ASCC3: variants seen among roughly 807,000 people sequenced by gnomAD.
The protein encoded by ASCC3 is ASC-1 complex subunit P200.
Under a neutral mutation model 256.3 loss-of-function variants are expected in ASCC3, and 158 were observed. That is an observed-to-expected ratio of 0.62 (90% CI 0.54 to 0.70). ASCC3 has a LOEUF of 0.70. Ranked by LOEUF, ASCC3 falls within the 30% of genes least tolerant of loss-of-function variation. The probability of loss-of-function intolerance (pLI) is 0.00; values close to 1 mark genes in which losing one functional copy is unlikely to be tolerated. For missense variants in ASCC3, 2,259 were observed against 2,626.0 expected, an observed-to-expected ratio of 0.86 and a Z score of 3.05; for synonymous variants, 948 against 883.4, an observed-to-expected ratio of 1.07 and a Z score of -1.30.
intron 30 of ASCC3, among the ~76,000 whole-genome samples, chr6:100,620,018 G>T (rs1177400995): frequency 1.3e-5 from 2 of 152,094 alleles, no homozygotes; most frequent in South Asian, 2.1e-4. Context: ...ATTAAATGTA[G>T]GTATAGGAAA....
intron 36 of ASCC3, among the ~76,000 whole-genome samples, chr6:100,581,749 T>C (rs1771283857): frequency 1.3e-5 from 2 of 152,020 alleles, no homozygotes; most frequent in Admixed American, 6.6e-5. Flanking sequence ...CCATCTTGGA[T>C]TGATTTTTGT....
chr6:100,790,531 G>A (rs1452254220), intron 8 of ASCC3, among the ~76,000 whole-genome samples: 1 of 151,962 alleles, frequency 6.6e-6, no homozygotes, highest in Non-Finnish European at 1.5e-5. Context: ...ATATTTCTGT[G>A]TGTTGTTGTA....
chr6:100,807,301 C>T (rs1770236284), intron 4 of ASCC3, among the ~76,000 whole-genome samples: 1 of 150,498 alleles, frequency 6.6e-6, no homozygotes, highest in Admixed American at 6.7e-5. Flanking sequence ...ACCCACCCTC[C>T]CTCCCCTCAA....
At position 100,614,018 on chromosome 6, in the gene ASCC3, T is replaced by C. The variant is rs563546450; in HGVS notation, c.4786-6930A>G. On this transcript the variant is annotated intron_variant, in intron 30 of 41. Coordinates refer to ENST00000369162, the MANE Select transcript of ASCC3 (RefSeq NM_006828.4). ...TTCTTAATAAAAGCAGTATCAAAAC[T>C]GGGTTGTAGGGTAAGATATTAAAGA... 1.5e-3 allele frequency among the ~76,000 whole-genome samples: 226 copies of C among 152,294 alleles called. 2 individuals are homozygous for C. Among genetic ancestry groups the C allele is most frequent in the Non-Finnish European group, 2.3e-3 (155 of 68,000 alleles).
chr6:100,568,926 C>T (rs189623183), intron 36 of ASCC3, among the ~76,000 whole-genome samples: 24 of 151,810 alleles, frequency 1.6e-4, no homozygotes, highest in Middle Eastern at 3.4e-3. Context: ...TACGGGCACC[C>T]GCCACCATGC....
At chr6:100,737,545 C>A (rs1171696045) in intron 10 of ASCC3, among the ~76,000 whole-genome samples, 3 of 152,162 alleles carry the variant, frequency 2.0e-5, no homozygotes, top group African/African-American at 7.2e-5. Context: ...CATGTCCCTG[C>A]AAAGGGTATG....
chr6:100,636,146 T>C (rs779194442), intron 25 of ASCC3, among the ~76,000 whole-genome samples: 2 of 152,192 alleles, frequency 1.3e-5, no homozygotes, highest in East Asian at 1.9e-4. Flanking sequence ...TTTTTACAAA[T>C]TGGAGGTTTG....
At position 100,847,910 on chromosome 6, in the gene ASCC3, G is replaced by A. The variant is rs544569072; in HGVS notation, c.801+238C>T. The stretch of plus-strand genomic sequence containing the variant: ...AGCACTGTCCCAGTAACCAGAGCAT[G>A]TGGACACCCAACTATTGTCTGCTTA... On this transcript the variant is annotated intron_variant, in intron 4 of 41. Coordinates refer to ENST00000369162, the MANE Select transcript of ASCC3 (RefSeq NM_006828.4). 148 of 370,346 alleles carry A rather than the reference G, an allele frequency of 4.0e-4. 1 individual carries two copies. The highest frequency in any genetic ancestry group is 2.8e-3 in the African/African-American group (135 of 48,260). The allele number at this position is 370,346 out of a possible 1,614,324, so 22.9% of individuals were successfully genotyped here.
chr6:100,818,748 C>CAAAA (rs56668191), intron 4 of ASCC3, among the ~76,000 whole-genome samples: 245 of 58,072 alleles, frequency 4.2e-3, no homozygotes, highest in Admixed American at 5.5e-3. Flanking sequence ...AGGCAAAAGC[C>CAAAA]AAAAAAAAAA....
chr6:100,650,819 T>A, intron 19 of ASCC3, 105 bp from the exon 20 acceptor site: 1 of 905,348 alleles, frequency 1.1e-6, no homozygotes, highest in Non-Finnish European at 1.7e-6. Context: ...CCATTTACTA[T>A]AATGCAGCAT....
intron 36 of ASCC3, among the ~76,000 whole-genome samples, chr6:100,575,301 C>CA (rs1161384525): frequency 1.3e-5 from 2 of 152,014 alleles, no homozygotes; most frequent in East Asian, 3.9e-4. Flanking sequence ...CTTATAAAAA[C>CA]AAAAACATTC....
intron 18 of ASCC3, 146 bp downstream of exon 18, chr6:100,652,579 C>T: frequency 2.4e-6 from 2 of 844,954 alleles, no homozygotes; most frequent in African/African-American, 1.7e-5. Flanking sequence ...TTTTTCTTGT[C>T]TTTACTGAGG....
chr6:100,748,503 A>G (rs952408534), intron 10 of ASCC3, among the ~76,000 whole-genome samples: 1 of 152,026 alleles, frequency 6.6e-6, no homozygotes, highest in Non-Finnish European at 1.5e-5. Context: ...ATCCAGTGAA[A>G]ATGTTTTTAA....
chr6:100,800,157 T>A, intron 6 of ASCC3, 143 bp downstream of exon 6: 1 of 794,280 alleles, frequency 1.3e-6, no homozygotes, highest in South Asian at 1.6e-5. Context: ...GAAAATTAGG[T>A]ATTCATAAAA....
chr6:100,638,769 A>G lies in ASCC3; in HGVS notation c.3954T>C (p.Tyr1318=), dbSNP rs1395224627. 6.2e-7 allele frequency: 1 copy of G among 1,614,152 alleles called. No individual in the cohort carries two copies. The highest frequency in any genetic ancestry group is 1.7e-5 in the Admixed American group (1 of 60,024). ...AGTGGCTGAAGTTGTACAGGGCTTC[A>G]TATGCTTTACATCCCAAAGCTGTGA... ...LPITALGCKA[Y]EALYNFSHFN... The change falls in exon 25 of 42, where the codon TAT becomes TAC. Residue 1318 remains tyrosine, a synonymous_variant. Coordinates refer to ENST00000369162, the MANE Select transcript of ASCC3 (RefSeq NM_006828.4).
At chr6:100,675,376 A>G (rs989000226) in intron 14 of ASCC3, among the ~76,000 whole-genome samples, 1 of 152,180 alleles carries the variant, frequency 6.6e-6, no homozygotes, top group African/African-American at 2.4e-5. Context: ...CTGTTATGCT[A>G]TCTTTAGTTA....
chr6:100,617,692 C>T (rs1372912361), intron 30 of ASCC3, among the ~76,000 whole-genome samples: 2 of 152,166 alleles, frequency 1.3e-5, no homozygotes, highest in African/African-American at 4.8e-5. Flanking sequence ...ACTCAACTCC[C>T]ATTTACATTT....
At chr6:100,604,947 A>G (rs1772808197) in intron 33 of ASCC3, among the ~76,000 whole-genome samples, 1 of 152,122 alleles carries the variant, frequency 6.6e-6, no homozygotes, top group Non-Finnish European at 1.5e-5. Flanking sequence ...CTGAAGGAAG[A>G]AAGGTTATTT....
intron 36 of ASCC3, among the ~76,000 whole-genome samples, chr6:100,544,679 C>T (rs556095822): frequency 5.0e-4 from 76 of 152,072 alleles, no homozygotes; most frequent in Non-Finnish European, 8.2e-4. Context: ...AGTAAAAAAT[C>T]TTCTGACAGA....
Sources: gnomAD v4.1 joint callset for allele counts (sites outside exome capture counted in the v4.1 genomes callset) on GRCh38, gnomAD v4.1.1 for gene constraint, MANE v1.5 for transcripts, NCBI Gene and HGNC (gene_info 2026-07-23, HGNC 2026-07-21) for gene names.